The following MRTFB variants were observed in gnomAD, a reference collection of about 807,000 sequenced individuals.
MRTFB encodes the protein myocardin related transcription factor B.
Under a neutral mutation model 104.2 loss-of-function variants are expected in MRTFB, and 29 were observed. The observed-to-expected ratio is 0.28, with a 90% CI of 0.21 to 0.38. The LOEUF is 0.38. Among genes scored for constraint, MRTFB ranks in the 10% least tolerant of loss-of-function variants. The pLI is 1.00. For synonymous variants in MRTFB, 535 were observed against 519.5 expected (o/e 1.03, Z -0.41); for missense variants, 1,270 against 1,341.6 (o/e 0.95, Z 0.83).
chr16:14,060,704 G>A, the MRTFB span, among the ~76,000 whole-genome samples: 1 of 152,088 alleles, frequency 6.6e-6, no homozygotes, highest in Admixed American at 6.5e-5. Context: ...TAGAACTGCT[G>A]CCTGAGCTTT....
intron 2 of MRTFB, among the ~76,000 whole-genome samples, chr16:14,088,206 C>T (rs1280545585): frequency 6.6e-6 from 1 of 152,134 alleles, no homozygotes; most frequent in African/African-American, 2.4e-5. Context: ...GAGTTGAGAG[C>T]AGTGCGGAAT....
chr16:14,147,738 A>G (rs977693084), intron 3 of MRTFB, among the ~76,000 whole-genome samples: 2 of 152,188 alleles, frequency 1.3e-5, no homozygotes, highest in African/African-American at 2.4e-5. Flanking sequence ...AGCTTTGTGC[A>G]TCAGCAAGAC....
At chr16:14,011,550 A>T in the MRTFB span, among the ~76,000 whole-genome samples, 1 of 152,230 alleles carries the variant, frequency 6.6e-6, no homozygotes, top group Non-Finnish European at 1.5e-5. Context: ...TGAATCCCTA[A>T]GTATTTCCTA....
intron 8 of MRTFB, among the ~76,000 whole-genome samples, chr16:14,221,819 T>C (rs1308437435): frequency 7.2e-6 from 1 of 138,834 alleles, no homozygotes; most frequent in Non-Finnish European, 1.5e-5. Flanking sequence ...TCTCACTCTG[T>C]CACCCAGGCT....
chr16:14,246,863 C>T lies in MRTFB; in HGVS notation c.1603C>T (p.Pro535Ser), dbSNP rs370725968. 15 of 1,613,118 alleles carry T rather than the reference C, an allele frequency of 9.3e-6. No individual in the cohort carries two copies. The African/African-American group carries it at 1.9e-4, about 20-fold the overall frequency. ...CACCGAGATTATGACCATGATGTCG[C>T]CTTCACAGTTCTTGAGTTCATCTCC... ...TFTEIMTMMS[P>S]SQFLSSSPLR... Residue 535 changes from proline to serine, a missense_variant, in exon 12 of 17, where the codon CCT becomes TCT. Pro to Ser is a moderately conservative substitution (Grantham distance 74). Transcript: ENST00000571589.
At chr16:14,019,205 C>T in the MRTFB span, 6 of 152,212 alleles carry the variant, frequency 3.9e-5, no homozygotes, top group Non-Finnish European at 7.3e-5. Flanking sequence ...ACTCCCATTT[C>T]CACCCCGTTG....
intron 6 of MRTFB, 62 bp from the exon 7 acceptor site, chr16:14,217,064 A>G (rs1449695656): frequency 2.0e-6 from 3 of 1,485,866 alleles, no homozygotes; most frequent in Admixed American, 2.1e-5. Context: ...TTGGCCTGAA[A>G]TAACATTATG....
At chr16:14,122,793 T>G (rs2036919256) in intron 2 of MRTFB, among the ~76,000 whole-genome samples, 1 of 152,226 alleles carries the variant, frequency 6.6e-6, no homozygotes, top group Non-Finnish European at 1.5e-5. Context: ...TATAATCCTT[T>G]GGGTATATAC....
intron 8 of MRTFB, among the ~76,000 whole-genome samples, chr16:14,222,427 T>C (rs1233654926): frequency 6.6e-6 from 1 of 152,210 alleles, no homozygotes; most frequent in Non-Finnish European, 1.5e-5. Context: ...TGTGTGATTT[T>C]TTTTTTCTTT....
chr16:14,004,422 C>A, the MRTFB span, among the ~76,000 whole-genome samples: 1 of 152,072 alleles, frequency 6.6e-6, no homozygotes, highest in African/African-American at 2.4e-5. Flanking sequence ...AAGTTGCAAC[C>A]GCAGGGAGTC....
the MRTFB span, among the ~76,000 whole-genome samples, chr16:14,021,723 T>C: frequency 6.6e-6 from 1 of 152,224 alleles, no homozygotes. Flanking sequence ...TAGTCTCCAA[T>C]CCCATCCAGG....
the MRTFB span, among the ~76,000 whole-genome samples, chr16:14,051,057 C>A: frequency 4.6e-5 from 7 of 152,128 alleles, no homozygotes; most frequent in Admixed American, 2.0e-4. Flanking sequence ...TGATTTCCAA[C>A]ACACACACAA....
chr16:14,192,849 C>A (rs905319403), intron 3 of MRTFB, among the ~76,000 whole-genome samples: 1 of 152,136 alleles, frequency 6.6e-6, no homozygotes, highest in Non-Finnish European at 1.5e-5. Context: ...ATAAACAGCA[C>A]CCCTGTCCAC....
At chr16:14,022,460 G>A in the MRTFB span, among the ~76,000 whole-genome samples, 2 of 152,084 alleles carry the variant, frequency 1.3e-5, no homozygotes, top group East Asian at 1.9e-4. Context: ...ACAGTGGCGC[G>A]ATCTCCACTC....
intron 8 of MRTFB, among the ~76,000 whole-genome samples, chr16:14,231,366 G>A (rs887330488): frequency 2.0e-5 from 3 of 152,114 alleles, no homozygotes; most frequent in Non-Finnish European, 4.4e-5. Context: ...ATAAGTTTAA[G>A]TATCTCTTAT....
At chr16:14,236,654 G>A (rs2042528405) in intron 9 of MRTFB, among the ~76,000 whole-genome samples, 1 of 152,154 alleles carries the variant, frequency 6.6e-6, no homozygotes, top group African/African-American at 2.4e-5. Flanking sequence ...ATCTATCTAT[G>A]GGAAGAAAAT....
chr16:14,253,979 G>A (rs1470248549), intron 15 of MRTFB, among the ~76,000 whole-genome samples: 2 of 152,160 alleles, frequency 1.3e-5, no homozygotes, highest in Non-Finnish European at 1.5e-5. Context: ...ATTGCCAAGA[G>A]CTTAACTGCA....
the MRTFB span, among the ~76,000 whole-genome samples, chr16:14,003,574 G>A: frequency 6.6e-6 from 1 of 151,916 alleles, no homozygotes; most frequent in Admixed American, 6.6e-5. Context: ...TGGCAGGGAA[G>A]ACCACTGCTT....
At chr16:14,235,342 A>C in intron 9 of MRTFB, among the ~76,000 whole-genome samples, 1 of 152,146 alleles carries the variant, frequency 6.6e-6, no homozygotes. Context: ...AGAGGGTTGC[A>C]AGTGGCAACC....
Sources: allele counts gnomAD v4.1 joint callset (sites outside exome capture counted in the v4.1 genomes callset), GRCh38; gene constraint gnomAD v4.1.1; transcripts MANE v1.5; gene names NCBI Gene and HGNC (gene_info 2026-07-23, HGNC 2026-07-21).